NLRP7: variants seen among roughly 807,000 people sequenced by gnomAD.
NLRP7 encodes the protein NLR family pyrin domain containing 7.
A neutral mutation model predicts 85.5 loss-of-function variants in NLRP7; 72 were observed. The ratio of observed to expected loss-of-function variants is 0.84; its 90% confidence interval spans 0.70 to 1.02. NLRP7 has a LOEUF of 1.02. NLRP7 is among the 50% of genes least tolerant of loss of function. NLRP7 has a pLI of 0.00. For synonymous variants in NLRP7, 550 were observed against 505.2 expected, an observed-to-expected ratio of 1.09 and a Z score of -1.19; for missense variants, 1,243 against 1,219.5, an observed-to-expected ratio of 1.02 and a Z score of -0.29.
chr19:54,924,706 C>T (rs1183841014), intron 9 of NLRP7, among the ~76,000 whole-genome samples: 5 of 152,046 alleles, frequency 3.3e-5, no homozygotes, highest in Non-Finnish European at 5.9e-5. Flanking sequence ...GAGGCCGAGG[C>T]GGGCAGATCA....
chr19:54,953,724 C>T (rs867844591), intron 1 of NLRP7, among the ~76,000 whole-genome samples: 4 of 151,806 alleles, frequency 2.6e-5, no homozygotes, highest in East Asian at 1.9e-4. Context: ...CCAGCCAGGC[C>T]GGGCGCGGTG....
chr19:54,940,751 C>A (rs756426734), intron 3 of NLRP7, among the ~76,000 whole-genome samples, 180 bp downstream of exon 3: 1 of 151,366 alleles, frequency 6.6e-6, no homozygotes, highest in Non-Finnish European at 1.5e-5. Context: ...TGCTTGAACC[C>A]GGGAGGCAGA....
intron 3 of NLRP7, 28 bp from the exon 4 acceptor site, chr19:54,940,494 A>G (rs1167729835): frequency 1.2e-6 from 2 of 1,611,488 alleles, no homozygotes; most frequent in Admixed American, 3.3e-5. Context: ...AGGACAGTTG[A>G]GGTTGATGAT....
At chr19:54,948,281 AG>A (rs565985500), upstream of NLRP7, among the ~76,000 whole-genome samples, 49 of 152,258 alleles carry the variant, frequency 3.2e-4, no homozygotes, top group African/African-American at 1.1e-3. Flanking sequence ...GCTACTCGGG[AG>A]GCTGAGACAG....
intron 1 of NLRP7, among the ~76,000 whole-genome samples, chr19:54,944,966 A>T (rs78966590): frequency 6.6e-6 from 1 of 151,824 alleles, no homozygotes; most frequent in African/African-American, 2.4e-5. Flanking sequence ...TTGGCCAGGC[A>T]CGGTGGCTCA....
intron 9 of NLRP7, among the ~76,000 whole-genome samples, chr19:54,928,102 G>A (rs1002906696): frequency 2.6e-5 from 4 of 152,012 alleles, no homozygotes; most frequent in African/African-American, 9.7e-5. Context: ...TGCCTTTAAT[G>A]CTAGCTACTT....
At chr19:54,924,259 C>T (rs1017605542) in intron 9 of NLRP7, among the ~76,000 whole-genome samples, 3 of 152,160 alleles carry the variant, frequency 2.0e-5, no homozygotes, top group African/African-American at 7.2e-5. Context: ...TGAGCCACAG[C>T]ACCCAGTCAG....
At chr19:54,942,059 C>T (rs2069252986) in intron 1 of NLRP7, among the ~76,000 whole-genome samples, 1 of 151,418 alleles carries the variant, frequency 6.6e-6, no homozygotes. Context: ...CGAGACCATC[C>T]TGGCTAACAC....
At chr19:54,960,248 C>T (rs1026318900) in intron 1 of NLRP7, among the ~76,000 whole-genome samples, 3 of 151,770 alleles carry the variant, frequency 2.0e-5, no homozygotes, top group African/African-American at 7.3e-5. Flanking sequence ...CTCTGCTTCC[C>T]GGGTTCAAGC....
chr19:54,958,665 A>G (rs1483675595), intron 1 of NLRP7, among the ~76,000 whole-genome samples: 6 of 148,714 alleles, frequency 4.0e-5, no homozygotes, highest in Admixed American at 2.7e-4. Flanking sequence ...AATAATAATA[A>G]CTAGTGGCCA....
At chr19:54,955,600 C>T (rs1212845608) in intron 1 of NLRP7, among the ~76,000 whole-genome samples, 1 of 152,148 alleles carries the variant, frequency 6.6e-6, no homozygotes, top group African/African-American at 2.4e-5. Context: ...ACCAGCCTGA[C>T]TAACATGGCG....
At chr19:54,940,261 C>A (rs765979171) in exon 4 of NLRP7, 4 of 1,614,162 alleles carry the variant, frequency 2.5e-6, no homozygotes, top group Non-Finnish European at 8.5e-7. Flanking sequence ...TTTTGGCCAG[C>A]GTGGTTTTCC....
At chr19:54,960,738 G>C (rs2070013697) in intron 1 of NLRP7, among the ~76,000 whole-genome samples, 1 of 152,006 alleles carries the variant, frequency 6.6e-6, no homozygotes, top group Non-Finnish European at 1.5e-5. Context: ...TGGGACTACA[G>C]GCACCCGCCA....
At chr19:54,931,577 A>G (rs745695963) in intron 8 of NLRP7, among the ~76,000 whole-genome samples, 6 of 151,976 alleles carry the variant, frequency 3.9e-5, no homozygotes, top group African/African-American at 7.2e-5. Context: ...AATCCCAGCT[A>G]CTCAGGAGGC....
chr19:54,942,325 G>A (rs183661487), intron 1 of NLRP7, among the ~76,000 whole-genome samples: 178 of 150,596 alleles, frequency 1.2e-3, no homozygotes, highest in Middle Eastern at 3.5e-3. Flanking sequence ...GGGCCAGCCC[G>A]TGCTGCCTAA....
intron 8 of NLRP7, among the ~76,000 whole-genome samples, chr19:54,932,115 G>T (rs1260733009): frequency 6.6e-6 from 1 of 152,070 alleles, no homozygotes; most frequent in Admixed American, 6.6e-5. Flanking sequence ...CGATCAGGTA[G>T]GTGACTGTTT....
rs104895555 is a variant in NLRP7 at position 54,938,155 on chromosome 19, G to C, written c.2018C>G (p.Ser673Ter). The change falls in exon 5 of 10, where the codon TCA becomes TGA. Residue 673 changes from serine to a stop codon, truncating the protein, a stop_gained. Transcript: ENST00000340844. LOFTEE classifies it high-confidence loss of function. Reference sequence around the variant, plus strand: ...TTCCAGAAACTTGAGGTTGCTGTTTGAGCTGAAGAGAGAGCAGAAATCTGT... The same window carrying C: ...TTCCAGAAACTTGAGGTTGCTGTTTCAGCTGAAGAGAGAGCAGAAATCTGT... The C allele has an allele frequency of 6.2e-7, 1 of 1,614,024 alleles. No individual in the cohort carries two copies. The highest frequency in any genetic ancestry group is 1.1e-5 in the South Asian group (1 of 91,082).
chr19:54,935,588 C>T (rs543017061), intron 6 of NLRP7, among the ~76,000 whole-genome samples: 30 of 94,318 alleles, frequency 3.2e-4, no homozygotes, highest in African/African-American at 1.3e-3. Context: ...CCCAGCTACT[C>T]GGGAAGCTGA....
chr19:54,958,398 T>C (rs1435951133), intron 1 of NLRP7, among the ~76,000 whole-genome samples: 2 of 149,560 alleles, frequency 1.3e-5, no homozygotes, highest in African/African-American at 5.0e-5. Flanking sequence ...TCCCAGCACT[T>C]TGGGACGCCG....
Sources: allele counts gnomAD v4.1 joint callset (sites outside exome capture counted in the v4.1 genomes callset), GRCh38; gene constraint gnomAD v4.1.1; transcripts MANE v1.5; gene names NCBI Gene and HGNC (gene_info 2026-07-23, HGNC 2026-07-21).